PALLD: variants seen among roughly 807,000 people sequenced by gnomAD.
PALLD encodes the protein palladin, cytoskeletal associated protein.
Under a neutral mutation model 123.5 loss-of-function variants are expected in PALLD, and 61 were observed. The ratio of observed to expected loss-of-function variants is 0.49; its 90% CI spans 0.40 to 0.61. PALLD has a LOEUF of 0.61. Ranked by LOEUF, PALLD falls within the 20% of genes least tolerant of loss-of-function variation. The probability of loss-of-function intolerance (pLI) is 0.00; values close to 1 mark genes in which losing one functional copy is unlikely to be tolerated. For missense variants in PALLD, 1,273 were observed against 1,377.0 expected (o/e 0.92, Z 1.20); for synonymous variants, 465 against 496.4 (o/e 0.94, Z 0.84).
intron 10 of PALLD, among the ~76,000 whole-genome samples, chr4:168,799,900 T>C (rs1739072394): frequency 6.6e-6 from 1 of 152,248 alleles, no homozygotes; most frequent in South Asian, 2.1e-4. Context: ...CGAGCATTTG[T>C]GTACTGTATG....
chr4:168,902,876 A>G (rs1292338579), intron 14 of PALLD, among the ~76,000 whole-genome samples: 1 of 152,112 alleles, frequency 6.6e-6, no homozygotes, highest in Admixed American at 6.6e-5. Context: ...GGCTCAAGCA[A>G]TCCTCCTGAC....
At chr4:168,516,854 G>T (rs753650351) in intron 2 of PALLD, among the ~76,000 whole-genome samples, 10 of 152,180 alleles carry the variant, frequency 6.6e-5, no homozygotes, top group Non-Finnish European at 1.2e-4. Flanking sequence ...TTTCTCTATG[G>T]AAAAAGAAAA....
intron 10 of PALLD, among the ~76,000 whole-genome samples, chr4:168,785,190 A>C (rs1378758554): frequency 6.8e-6 from 1 of 147,764 alleles, no homozygotes; most frequent in Non-Finnish European, 1.5e-5. Flanking sequence ...CAGACTTGTG[A>C]ATCAATTAGC....
chr4:168,885,168 T>C (rs972680148), intron 10 of PALLD, among the ~76,000 whole-genome samples: 6 of 152,252 alleles, frequency 3.9e-5, no homozygotes, highest in African/African-American at 7.2e-5. Context: ...GCCTCTTTCA[T>C]GGAGTCTTCT....
intron 2 of PALLD, among the ~76,000 whole-genome samples, chr4:168,612,769 C>T (rs1773863056): frequency 6.6e-6 from 1 of 152,144 alleles, no homozygotes; most frequent in South Asian, 2.1e-4. Flanking sequence ...GGGACTCATG[C>T]TGTGCTTAGA....
chr4:168,561,708 C>T (rs191926205), intron 2 of PALLD, among the ~76,000 whole-genome samples: 2 of 152,304 alleles, frequency 1.3e-5, no homozygotes. Context: ...TCAAACTTCT[C>T]TTATTATTTT....
chr4:168,677,227 G>A (rs181339242), intron 3 of PALLD, among the ~76,000 whole-genome samples: 84 of 151,968 alleles, frequency 5.5e-4, no homozygotes, highest in African/African-American at 1.9e-3. Context: ...GACTGAAGTG[G>A]GAACAGAGTG....
chr4:168,546,184 G>A (rs1365982118), intron 2 of PALLD, among the ~76,000 whole-genome samples: 2 of 152,078 alleles, frequency 1.3e-5, no homozygotes, highest in African/African-American at 2.4e-5. Flanking sequence ...AACATATGGA[G>A]TTCCTGCAGG....
At chr4:168,614,417 T>C (rs1188225183) in intron 2 of PALLD, among the ~76,000 whole-genome samples, 1 of 152,190 alleles carries the variant, frequency 6.6e-6, no homozygotes, top group African/African-American at 2.4e-5. Context: ...AGTCAATGTT[T>C]TTTTGCCAAA....
At chr4:168,763,763 C>G (rs892016995) in intron 10 of PALLD, among the ~76,000 whole-genome samples, 2 of 152,104 alleles carry the variant, frequency 1.3e-5, no homozygotes, top group African/African-American at 4.8e-5. Context: ...TGTTTTAGAT[C>G]AGCATCAGGT....
chr4:168,752,556 T>A (rs1363980487), intron 10 of PALLD, among the ~76,000 whole-genome samples: 2 of 152,232 alleles, frequency 1.3e-5, no homozygotes, highest in African/African-American at 4.8e-5. Flanking sequence ...ATTCTAGATT[T>A]GTACCTTTTT....
chr4:168,545,254 T>C (rs867569673), intron 2 of PALLD, among the ~76,000 whole-genome samples: 1 of 152,104 alleles, frequency 6.6e-6, no homozygotes, highest in South Asian at 2.1e-4. Context: ...TGGCCGGGTG[T>C]GGTGGCTCAC....
At chr4:168,636,901 C>T (rs971904223) in intron 2 of PALLD, among the ~76,000 whole-genome samples, 3 of 152,034 alleles carry the variant, frequency 2.0e-5, no homozygotes, top group Non-Finnish European at 4.4e-5. Flanking sequence ...TCTTGCCTCC[C>T]TGGATGTGAA....
chr4:168,912,939 T>C (rs557921679), intron 15 of PALLD, among the ~76,000 whole-genome samples: 1 of 152,316 alleles, frequency 6.6e-6, no homozygotes, highest in Admixed American at 6.5e-5. Flanking sequence ...TTTAATTACA[T>C]AGGCCCTTAT....
At chr4:168,836,209 C>T (rs1745162717) in intron 10 of PALLD, among the ~76,000 whole-genome samples, 1 of 152,244 alleles carries the variant, frequency 6.6e-6, no homozygotes, top group South Asian at 2.1e-4. Flanking sequence ...TGCCGAGTCT[C>T]CCTGCTCAAT....
chr4:168,862,909 G>C (rs1030829794), intron 10 of PALLD, among the ~76,000 whole-genome samples: 1 of 152,212 alleles, frequency 6.6e-6, no homozygotes, highest in African/African-American at 2.4e-5. Flanking sequence ...AATATCAATA[G>C]AAGGTCGTCA....
At chr4:168,581,837 A>G (rs1289952274) in intron 2 of PALLD, among the ~76,000 whole-genome samples, 2 of 151,984 alleles carry the variant, frequency 1.3e-5, no homozygotes, top group Admixed American at 6.6e-5. Context: ...TCATTGCCTA[A>G]CCAATGTCAA....
intron 2 of PALLD, among the ~76,000 whole-genome samples, chr4:168,584,219 T>TG (rs1770583525): frequency 6.6e-6 from 1 of 151,928 alleles, no homozygotes; most frequent in Admixed American, 6.6e-5. Context: ...CATCAGGTTT[T>TG]TTTTTTTTTT....
chr4:168,570,829 G>C (rs1768903613), intron 2 of PALLD, among the ~76,000 whole-genome samples: 1 of 152,066 alleles, frequency 6.6e-6, no homozygotes, highest in African/African-American at 2.4e-5. Context: ...TGACACTCTT[G>C]GTTAATTCCT....
Sources: gnomAD v4.1 joint callset for allele counts (sites outside exome capture counted in the v4.1 genomes callset) on GRCh38, gnomAD v4.1.1 for gene constraint, MANE v1.5 for transcripts, NCBI Gene and HGNC (gene_info 2026-07-23, HGNC 2026-07-21) for gene names.